The following PLEKHG4B variants were observed in gnomAD, a reference collection of about 807,000 sequenced individuals.
The protein encoded by PLEKHG4B is pleckstrin homology and RhoGEF domain containing G4B.
Under a neutral mutation model 121.3 loss-of-function variants are expected in PLEKHG4B, and 111 were observed. That is an observed-to-expected ratio of 0.92 (90% confidence interval 0.78 to 1.07). The LOEUF is 1.07. Among genes scored for constraint, PLEKHG4B ranks in the 50% least tolerant of loss-of-function variants. PLEKHG4B has a pLI of 0.00. For synonymous variants in PLEKHG4B, 738 were observed against 725.0 expected, an observed-to-expected ratio of 1.02 and a Z score of -0.29; for missense variants, 1,831 against 1,757.8, an observed-to-expected ratio of 1.04 and a Z score of -0.74.
At chr5:142,662 T>C (rs923896561) in intron 3 of PLEKHG4B, among the ~76,000 whole-genome samples, 2 of 152,152 alleles carry the variant, frequency 1.3e-5, no homozygotes. Flanking sequence ...ACCAGTCACA[T>C]GCCTCACACA....
At position 182,308 on chromosome 5, in the gene PLEKHG4B, C is replaced by T; in HGVS notation, c.4869C>T (p.Arg1623=). The change falls in exon 20 of 20, where the codon CGC becomes CGT. Residue 1623 remains arginine (R), a synonymous_variant. Coordinates refer to ENST00000637938, the MANE Select transcript of PLEKHG4B (RefSeq NM_052909.5). ...CEGAPAVLLS[R]TRQA The stretch of plus-strand genomic sequence containing the variant: ...GGGCTCCTGCTGTGCTGCTGAGCCG[C>T]ACACGCCAGGCCTGATGACTGTCAG... The T allele has an allele frequency of 6.2e-7, 1 of 1,606,570 alleles. No individual in the cohort carries two copies. The highest frequency in any genetic ancestry group is 8.5e-7 in the Non-Finnish European group (1 of 1,177,660).
chr5:150,503 G>A (rs1170293133), intron 6 of PLEKHG4B, among the ~76,000 whole-genome samples: 1 of 152,028 alleles, frequency 6.6e-6, no homozygotes, highest in Non-Finnish European at 1.5e-5. Flanking sequence ...TGATGATAGT[G>A]TTTCACCACA....
chr5:178,674 A>G (rs1288333489), intron 18 of PLEKHG4B, among the ~76,000 whole-genome samples: 1 of 152,170 alleles, frequency 6.6e-6, no homozygotes, highest in Non-Finnish European at 1.5e-5. Context: ...TAGAATTGCT[A>G]TATCTTCCTA....
intron 2 of PLEKHG4B, among the ~76,000 whole-genome samples, chr5:117,820 T>A (rs769079487): frequency 2.0e-5 from 3 of 152,042 alleles, no homozygotes; most frequent in Non-Finnish European, 4.4e-5. Flanking sequence ...GCCACTACAC[T>A]CCATCCTGGG....
At chr5:135,544 T>C (rs1734933907) in intron 2 of PLEKHG4B, among the ~76,000 whole-genome samples, 1 of 147,938 alleles carries the variant, frequency 6.8e-6, no homozygotes, top group Non-Finnish European at 1.5e-5. Flanking sequence ...CAGGTACCTG[T>C]AGGCCCAGCT....
rs1179491099 is a variant in PLEKHG4B, at chr5:159,510, C to T, written c.2488-2273C>T. On this transcript the variant is annotated intron_variant, in intron 11 of 19. Coordinates refer to ENST00000637938, the MANE Select transcript of PLEKHG4B (RefSeq NM_052909.5). The surrounding 1 kb of genome is among the most constrained non-coding windows in gnomAD (Gnocchi z 5.5). ...TTTTTCTCAGCTTTACCCTCTAACTCTATTATTGAGTTTTTTGTTTCTGCT... is the reference window on the plus strand; with the variant it reads ...TTTTTCTCAGCTTTACCCTCTAACTTTATTATTGAGTTTTTTGTTTCTGCT... Among the ~76,000 whole-genome samples the T allele has an allele frequency of 6.6e-6, 1 of 152,136 alleles. No individual in the cohort carries two copies. The highest frequency in any genetic ancestry group is 2.4e-5 in the African/African-American group (1 of 41,424).
At chr5:178,883 T>C (rs1417946230) in intron 18 of PLEKHG4B, among the ~76,000 whole-genome samples, 2 of 152,264 alleles carry the variant, frequency 1.3e-5, no homozygotes, top group Admixed American at 6.5e-5. Context: ...CATGCTCCTA[T>C]ATACTTTAAA....
At chr5:169,922 C>G (rs1389197685) in intron 14 of PLEKHG4B, among the ~76,000 whole-genome samples, 1 of 152,192 alleles carries the variant, frequency 6.6e-6, no homozygotes, top group East Asian at 1.9e-4. Flanking sequence ...GAAGCAGTTC[C>G]CAGAATCACC....
Position 105,171 on chromosome 5 carries a change from C to T in PLEKHG4B, c.46-8080C>T, listed in dbSNP as rs376901337. Among the ~76,000 whole-genome samples, 110 of 152,118 alleles carry T rather than the reference C, an allele frequency of 7.2e-4. 1 individual carries two copies. In the South Asian group the frequency reaches 0.02, roughly 28 times the overall value. ...CCGTCCTGAAGGTGGAGAAACACTC[C>T]GCAGTGGGTGAGGGCTGTTCTGGGT... On this transcript the variant is annotated intron_variant, in intron 1 of 19. Coordinates refer to ENST00000637938, the MANE Select transcript of PLEKHG4B (RefSeq NM_052909.5).
At position 157,939 on chromosome 5, in the gene PLEKHG4B, A is replaced by G. The variant is rs527895691; in HGVS notation, c.2487+1028A>G. 6.6e-6 allele frequency among the ~76,000 whole-genome samples: 1 copy of G among 152,210 alleles called. No homozygotes were observed. The highest frequency in any genetic ancestry group is 2.4e-5 in the African/African-American group (1 of 41,538). Reference sequence around the variant, plus strand: ...GTGCCCTCACGGGGGCCTCCAGACAAAGACGTGCAGCAGGGACGCGAGGCA... The same window carrying G: ...GTGCCCTCACGGGGGCCTCCAGACAGAGACGTGCAGCAGGGACGCGAGGCA... On this transcript the variant is annotated intron_variant, in intron 11 of 19. Transcript: ENST00000637938. The surrounding 1 kb of genome is among the most constrained non-coding windows in gnomAD (Gnocchi z 4.6).
chr5:142,558 ACACAGTCACACACCACACG>A (rs1054103431), intron 3 of PLEKHG4B, among the ~76,000 whole-genome samples: 4 of 151,494 alleles, frequency 2.6e-5, no homozygotes, highest in African/African-American at 9.7e-5. Flanking sequence ...AATACCACAC[ACACAGTCACACACCACACG>A]CAGTCACATG....
intron 6 of PLEKHG4B, among the ~76,000 whole-genome samples, chr5:146,465 C>G (rs1401870036): frequency 4.7e-5 from 7 of 147,786 alleles, no homozygotes; most frequent in Admixed American, 4.7e-4. Context: ...CTCCTCTTCA[C>G]CCCTGCAATC....
At chr5:176,531 C>T (rs1236535656) in intron 18 of PLEKHG4B, among the ~76,000 whole-genome samples, 2 of 152,236 alleles carry the variant, frequency 1.3e-5, no homozygotes, top group Non-Finnish European at 2.9e-5. Flanking sequence ...TGAGGCTTCA[C>T]TTACAGAGAC....
At chr5:153,252 A>T (rs966232269) in intron 7 of PLEKHG4B, among the ~76,000 whole-genome samples, 1 of 152,130 alleles carries the variant, frequency 6.6e-6, no homozygotes, top group Non-Finnish European at 1.5e-5. Flanking sequence ...TTGTCTAATA[A>T]TTCCAACATC....
chr5:155,687 T>C (rs1381424814), intron 9 of PLEKHG4B, among the ~76,000 whole-genome samples: 2 of 152,098 alleles, frequency 1.3e-5, no homozygotes, highest in Non-Finnish European at 2.9e-5. Flanking sequence ...ATGCAACAGG[T>C]GTGAGCGGCA....
intron 7 of PLEKHG4B, among the ~76,000 whole-genome samples, chr5:154,632 T>C (rs1237213755): frequency 6.6e-6 from 1 of 151,792 alleles, no homozygotes; most frequent in Non-Finnish European, 1.5e-5. Context: ...TTTTTTTTTT[T>C]TTTTTTTTTG....
At chr5:169,180 T>C (rs373995763) in intron 13 of PLEKHG4B, 160 bp from the exon 14 acceptor site, 17 of 1,010,506 alleles carry the variant, frequency 1.7e-5, no homozygotes, top group South Asian at 1.5e-4. Flanking sequence ...GGCCGGAAGC[T>C]TTTTTATCGT....
intron 13 of PLEKHG4B, among the ~76,000 whole-genome samples, chr5:165,054 G>A (rs1191194044): frequency 8.0e-5 from 9 of 111,998 alleles, no homozygotes; most frequent in African/African-American, 2.3e-4. Flanking sequence ...ATGCTCTGAC[G>A]GGGCGGAGCT....
At chr5:152,627 C>T (rs1735643428) in intron 7 of PLEKHG4B, among the ~76,000 whole-genome samples, 1 of 152,118 alleles carries the variant, frequency 6.6e-6, no homozygotes, top group South Asian at 2.1e-4. Context: ...CTTTTTTCCT[C>T]TCTAGTCTTC....
Sources: allele counts gnomAD v4.1 joint callset (sites outside exome capture counted in the v4.1 genomes callset), GRCh38; gene constraint gnomAD v4.1.1; non-coding constraint Gnocchi (gnomAD v3.1); transcripts MANE v1.5; gene names NCBI Gene and HGNC (gene_info 2026-07-23, HGNC 2026-07-21).